Variants in COL15A1 observed in about 807,000 individuals in gnomAD.
The protein encoded by COL15A1 is collagen type XV alpha 1 chain.
COL15A1 carries 111 observed loss-of-function variants against 165.9 expected under a neutral mutation model. The ratio of observed to expected loss-of-function variants is 0.67; its 90% CI spans 0.57 to 0.78. The LOEUF (loss-of-function observed/expected upper bound fraction) is 0.78, where lower values mean the gene tolerates loss of function less well. Ranked by LOEUF, COL15A1 falls within the 30% of genes least tolerant of loss-of-function variation. COL15A1 has a pLI of 0.00. For synonymous variants in COL15A1, 659 were observed against 674.8 expected, an observed-to-expected ratio of 0.98 and a Z score of 0.36; for missense variants, 1,745 against 1,789.7, an observed-to-expected ratio of 0.98 and a Z score of 0.45.
chr9:99,009,687 A>G (rs1838818738), intron 9 of COL15A1, among the ~76,000 whole-genome samples: 1 of 150,752 alleles, frequency 6.6e-6, no homozygotes, highest in Admixed American at 6.6e-5. Context: ...TCAAAGAGTT[A>G]AAAAAAAAGG....
intron 5 of COL15A1, among the ~76,000 whole-genome samples, chr9:98,993,866 C>T (rs1838495778): frequency 6.6e-6 from 1 of 152,194 alleles, no homozygotes; most frequent in Admixed American, 6.5e-5. Context: ...CTCACTTCCC[C>T]ATCCTCAGCC....
chr9:98,949,060 C>T (rs1198547626), intron 2 of COL15A1, among the ~76,000 whole-genome samples: 1 of 152,116 alleles, frequency 6.6e-6, no homozygotes, highest in Admixed American at 6.5e-5. Flanking sequence ...CCCTTTCTTG[C>T]TTTTTAAAAA....
Position 98,985,694 on chromosome 9 carries a change from G to C in COL15A1, c.230G>C (p.Arg77Pro). The change falls in exon 3 of 42, where the codon CGC (arginine) becomes CCC (proline). Residue 77 changes from arginine to proline, a missense_variant. Arg to Pro is a moderately radical substitution (Grantham distance 103). Coordinates refer to ENST00000375001, the MANE Select transcript of COL15A1 (RefSeq NM_001855.5). ...YSFGPGANVG[R>P]PARTLIPSTF... is the part of the protein sequence containing the mutation. ...TTCGGGCCTGGTGCCAATGTTGGCC[G>C]CCCAGCCAGGACTCTCATCCCATCC... 6.2e-7 allele frequency: 1 copy of C among 1,614,198 alleles called. No homozygotes were observed.
chr9:99,026,122 A>C (rs1486167462), intron 16 of COL15A1, among the ~76,000 whole-genome samples, 156 bp downstream of exon 16: 3 of 151,794 alleles, frequency 2.0e-5, no homozygotes, highest in African/African-American at 7.3e-5. Context: ...CCATCATGGG[A>C]CTCATCATGC....
chr9:98,984,271 G>C (rs1838274348), intron 2 of COL15A1, among the ~76,000 whole-genome samples: 1 of 152,190 alleles, frequency 6.6e-6, no homozygotes, highest in South Asian at 2.1e-4. Flanking sequence ...CTGGTACCTT[G>C]GATGTCAACT....
At chr9:99,024,286 T>TTTTTTTTTTGTTTTTTTTG (rs1839082483) in intron 14 of COL15A1, among the ~76,000 whole-genome samples, 1 of 133,014 alleles carries the variant, frequency 7.5e-6, no homozygotes, top group Non-Finnish European at 1.7e-5. Flanking sequence ...TGTTTTTTTG[T>TTTTTTTTTTGTTTTTTTTG]TTTTTTTTTT....
intron 16 of COL15A1, among the ~76,000 whole-genome samples, chr9:99,031,279 G>T (rs1220504950): frequency 6.6e-6 from 1 of 152,140 alleles, no homozygotes; most frequent in Admixed American, 6.5e-5. Flanking sequence ...CCATTCCTAG[G>T]CCAAGAACTG....
chr9:98,958,823 GTCCCC>G (rs1837819047), intron 2 of COL15A1, among the ~76,000 whole-genome samples: 1 of 152,162 alleles, frequency 6.6e-6, no homozygotes, highest in South Asian at 2.1e-4. Context: ...GCTTTGCCAA[GTCCCC>G]TCCATTCTCT....
At chr9:99,036,241 T>C in intron 20 of COL15A1, 36 bp downstream of exon 20, 1 of 1,613,658 alleles carries the variant, frequency 6.2e-7, no homozygotes, top group Non-Finnish European at 8.5e-7. Flanking sequence ...GTGGGAGGGC[T>C]TTCCAGCCTG....
intron 39 of COL15A1, 133 bp from the exon 40 acceptor site, chr9:99,066,749 G>A (rs1825900930): frequency 2.0e-5 from 14 of 711,646 alleles, no homozygotes; most frequent in Non-Finnish European, 3.2e-5. Context: ...TGTCAGGGAG[G>A]GATTGAATAA....
intron 24 of COL15A1, among the ~76,000 whole-genome samples, chr9:99,044,294 A>T (rs1321149506): frequency 2.0e-5 from 3 of 152,152 alleles, no homozygotes; most frequent in African/African-American, 7.2e-5. Context: ...GGAAGACAGG[A>T]CTGTCCTGTG....
chr9:98,967,421 C>T (rs1025065716), intron 2 of COL15A1, among the ~76,000 whole-genome samples: 15 of 152,304 alleles, frequency 9.8e-5, no homozygotes, highest in African/African-American at 2.6e-4. Context: ...GTGCCCAAGC[C>T]TCTCTACATC....
intron 11 of COL15A1, among the ~76,000 whole-genome samples, chr9:99,019,814 A>G (rs1400856687): frequency 6.6e-6 from 1 of 152,158 alleles, no homozygotes; most frequent in East Asian, 1.9e-4. Flanking sequence ...TCAATAAATT[A>G]GCTGTCTAGA....
rs145950966 is a variant in COL15A1 at position 99,054,119 on chromosome 9, C to A, written c.2951-457C>A. ...AACTTTGTACGTAGAAAACTTAGCGCCCTTGGTTGTCCTGTGCGGGCACTC... is the reference window on the plus strand; with the variant it reads ...AACTTTGTACGTAGAAAACTTAGCGACCTTGGTTGTCCTGTGCGGGCACTC... On this transcript the variant is annotated intron_variant, in intron 31 of 41. Transcript: ENST00000375001. Among the ~76,000 whole-genome samples, 7 of 152,324 alleles carry A rather than the reference C, an allele frequency of 4.6e-5. No homozygotes were observed. In the East Asian group the frequency reaches 1.2e-3, roughly 25 times the overall value.
At chr9:98,950,936 G>A (rs555456195) in intron 2 of COL15A1, among the ~76,000 whole-genome samples, 50 of 152,192 alleles carry the variant, frequency 3.3e-4, no homozygotes, top group African/African-American at 1.0e-3. Flanking sequence ...ATGACGTTGC[G>A]CATTTTTTCA....
chr9:98,996,800 A>T, intron 5 of COL15A1, 134 bp from the exon 6 acceptor site: 2 of 1,353,534 alleles, frequency 1.5e-6, no homozygotes, highest in South Asian at 2.8e-5. Context: ...GGTAGACACC[A>T]AGTGGGGCCA....
chr9:99,001,299 T>G (rs1279314430), intron 7 of COL15A1, among the ~76,000 whole-genome samples: 1 of 152,216 alleles, frequency 6.6e-6, no homozygotes, highest in African/African-American at 2.4e-5. Flanking sequence ...CAGAATCAGA[T>G]TAACTGCAGG....
chr9:99,028,884 AT>A (rs1240898401), intron 16 of COL15A1, among the ~76,000 whole-genome samples: 2 of 152,230 alleles, frequency 1.3e-5, no homozygotes, highest in Non-Finnish European at 2.9e-5. Context: ...CTCAAAAAGA[AT>A]TTATCAAATA....
intron 31 of COL15A1, among the ~76,000 whole-genome samples, chr9:99,053,813 C>T (rs1028536388): frequency 6.6e-6 from 1 of 152,212 alleles, no homozygotes; most frequent in African/African-American, 2.4e-5. Flanking sequence ...CTCATCTACA[C>T]TTTGTGGCCC....
Sources: allele counts gnomAD v4.1 joint callset (sites outside exome capture counted in the v4.1 genomes callset), GRCh38; gene constraint gnomAD v4.1.1; transcripts MANE v1.5; gene names NCBI Gene and HGNC (gene_info 2026-07-23, HGNC 2026-07-21).